The following GNG2 variants were observed in gnomAD, a reference collection of about 807,000 sequenced individuals.
The protein encoded by GNG2 is guanine nucleotide-binding protein G(I)/G(S)/G(O) subunit gamma-2.
In GNG2, 5 loss-of-function variants were observed where a neutral mutation model predicts 5.5. That is an observed-to-expected ratio of 0.91 (90% confidence interval 0.48 to 1.92). The LOEUF is 1.92. Ranked by LOEUF, GNG2 falls within the 30% of genes most tolerant of loss-of-function variation. The pLI is 0.01. For missense variants in GNG2, 55 were observed against 88.4 expected (o/e 0.62, Z 1.52); for synonymous variants, 28 against 32.0 (o/e 0.88, Z 0.42).
chr14:51,931,008 A>T lies in GNG2; in HGVS notation c.-29-19642A>T, dbSNP rs114832344. Among the ~76,000 whole-genome samples the T allele has an allele frequency of 9.9e-3, 1,505 of 152,246 alleles. 13 individuals are homozygous for T. The highest frequency in any genetic ancestry group is 0.035 in the African/African-American group (1,445 of 41,538). On this transcript the variant is annotated intron_variant, in intron 2 of 3. Transcript: ENST00000556766. ...CTGCTAGAGAGGCTGAGGTGGGAGG[A>T]TTGCTTGAGCCCGGGATCCCAGGAG...
chr14:51,907,163 T>A (rs1246171070), intron 2 of GNG2, among the ~76,000 whole-genome samples: 1 of 152,152 alleles, frequency 6.6e-6, no homozygotes, highest in East Asian at 1.9e-4. Context: ...CTGCCAAGTC[T>A]CCTTGGACCG....
At chr14:51,882,455 A>G (rs1400044516) in intron 2 of GNG2, among the ~76,000 whole-genome samples, 1 of 152,198 alleles carries the variant, frequency 6.6e-6, no homozygotes, top group Non-Finnish European at 1.5e-5. Flanking sequence ...GGGAACAGAT[A>G]TTTGGATGTC....
At chr14:51,827,218 TA>T (rs1881052713) in intron 1 of GNG2, among the ~76,000 whole-genome samples, 1 of 152,206 alleles carries the variant, frequency 6.6e-6, no homozygotes, top group Non-Finnish European at 1.5e-5. Flanking sequence ...CAATACTCTT[TA>T]AAGCCTTCCA....
chr14:51,830,965 C>T (rs146006758), intron 2 of GNG2, among the ~76,000 whole-genome samples: 3 of 152,326 alleles, frequency 2.0e-5, no homozygotes, highest in Non-Finnish European at 4.4e-5. Flanking sequence ...CTATTTGTCT[C>T]CAACCTTCTG....
chr14:51,950,517 C>G (rs1414510551), intron 2 of GNG2, 133 bp from the exon 3 acceptor site: 1 of 585,046 alleles, frequency 1.7e-6, no homozygotes, highest in African/African-American at 2.0e-5. Flanking sequence ...TAATACCGAC[C>G]AAGGATGGAG....
chr14:51,841,120 G>T (rs12147133), intron 2 of GNG2, among the ~76,000 whole-genome samples: 34,175 of 152,090 alleles, frequency 0.22, 4,542 homozygotes, highest in African/African-American at 0.36. Flanking sequence ...TTTATACATA[G>T]GTCCATAACT....
At chr14:51,855,382 C>G (rs1290501601) in intron 2 of GNG2, among the ~76,000 whole-genome samples, 1 of 152,228 alleles carries the variant, frequency 6.6e-6, no homozygotes, top group Non-Finnish European at 1.5e-5. Flanking sequence ...CCCTGACTCT[C>G]TTCGAGCCAA....
intron 2 of GNG2, among the ~76,000 whole-genome samples, chr14:51,833,154 T>C (rs554426665): frequency 3.3e-5 from 5 of 152,254 alleles, no homozygotes; most frequent in Admixed American, 2.6e-4. Context: ...AGAAGAAAGA[T>C]AGATAATGAA....
intron 2 of GNG2, among the ~76,000 whole-genome samples, chr14:51,910,495 G>A (rs889975980): frequency 5.3e-5 from 8 of 152,314 alleles, no homozygotes; most frequent in South Asian, 2.1e-4. Flanking sequence ...TGGAAGGAAG[G>A]GGGAAAGTGA....
chr14:51,968,369 A>ATTT lies in GNG2; in HGVS notation c.*1682_*1683insTTT, dbSNP rs1566723443. The stretch of plus-strand genomic sequence containing the variant: ...TTCGCTTTCTCCTGTTTTTTTTTTA[A>ATTT]AAAAAAAGCATGAAAAAGGAAGAGA... On this transcript the variant is annotated 3_prime_UTR_variant, in exon 4 of 4. Coordinates refer to ENST00000556766, the MANE Select transcript of GNG2 (RefSeq NM_053064.5). 1.7e-3 allele frequency: 212 copies of ATTT among 121,950 alleles called. No individual in the cohort carries two copies. The highest frequency in any genetic ancestry group is 8.3e-3 in the Middle Eastern group (2 of 240). The allele number at this position is 121,950 out of a possible 1,614,324, so 7.6% of individuals were successfully genotyped here.
chr14:51,933,400 C>T (rs1459706645), intron 2 of GNG2, among the ~76,000 whole-genome samples: 3 of 152,072 alleles, frequency 2.0e-5, no homozygotes, highest in Non-Finnish European at 4.4e-5. Context: ...GACACAGCAA[C>T]GATAGGCAAC....
intron 2 of GNG2, among the ~76,000 whole-genome samples, chr14:51,927,858 TTTGTTGTTG>T (rs150493266): frequency 5.3e-5 from 8 of 151,308 alleles, no homozygotes; most frequent in African/African-American, 1.2e-4. Flanking sequence ...CTTCTGGTGG[TTTGTTGTTG>T]TTGTTGTTGT....
intron 2 of GNG2, among the ~76,000 whole-genome samples, chr14:51,881,997 A>G (rs1296355261): frequency 3.3e-5 from 5 of 152,092 alleles, no homozygotes. Context: ...AATCTTTACC[A>G]ATTTTTGTGA....
At chr14:51,869,653 A>C (rs1179382476) in intron 1 of GNG2, among the ~76,000 whole-genome samples, 1 of 152,138 alleles carries the variant, frequency 6.6e-6, no homozygotes, top group East Asian at 1.9e-4. Flanking sequence ...AGCTGGGACC[A>C]CAAGTGTGTG....
At chr14:51,904,067 T>A (rs952034288) in intron 2 of GNG2, among the ~76,000 whole-genome samples, 1 of 152,060 alleles carries the variant, frequency 6.6e-6, no homozygotes, top group African/African-American at 2.4e-5. Flanking sequence ...GCAGGATGGG[T>A]AGACAGAATA....
chr14:51,875,416 A>G (rs994045803), intron 1 of GNG2, among the ~76,000 whole-genome samples: 3 of 152,248 alleles, frequency 2.0e-5, no homozygotes, highest in Non-Finnish European at 4.4e-5. Context: ...TGGGGAAAGT[A>G]GCTATTATTG....
At chr14:51,864,300 A>G (rs190782927) in intron 1 of GNG2, among the ~76,000 whole-genome samples, 110 of 152,216 alleles carry the variant, frequency 7.2e-4, no homozygotes, top group African/African-American at 2.3e-3. Flanking sequence ...CTCATTGGCC[A>G]TTTGTATATC....
chr14:51,853,228 G>A (rs984589897), intron 2 of GNG2, among the ~76,000 whole-genome samples: 3 of 152,158 alleles, frequency 2.0e-5, no homozygotes, highest in Non-Finnish European at 4.4e-5. Flanking sequence ...CTGAGTGCAC[G>A]CAATGTACAA....
intron 2 of GNG2, chr14:51,917,329 C>G: frequency 2.2e-6 from 1 of 456,008 alleles, no homozygotes; most frequent in Non-Finnish European, 4.4e-6. Context: ...CATAGCTGTA[C>G]TTACTGAGCC....
Sources: allele counts gnomAD v4.1 joint callset (sites outside exome capture counted in the v4.1 genomes callset), GRCh38; gene constraint gnomAD v4.1.1; transcripts MANE v1.5; gene names NCBI Gene and HGNC (gene_info 2026-07-23, HGNC 2026-07-21).